Variants in TRHDE observed in about 807,000 individuals in gnomAD.
The protein encoded by TRHDE is thyrotropin releasing hormone degrading enzyme, also known as thyrotropin-releasing hormone-degrading ectoenzyme.
A neutral mutation model predicts 125.7 loss-of-function variants in TRHDE; 72 were observed. The observed-to-expected ratio is 0.57, with a 90% CI of 0.47 to 0.70. TRHDE has a LOEUF of 0.70. TRHDE is among the 30% of genes least tolerant of loss of function. The pLI is 0.00. For synonymous variants in TRHDE, 509 were observed against 509.1 expected, an observed-to-expected ratio of 1.00 and a Z score of 0.00; for missense variants, 1,110 against 1,327.1, an observed-to-expected ratio of 0.84 and a Z score of 2.54.
chr12:72,403,893 T>C lies in TRHDE; in HGVS notation c.1315+25772T>C, dbSNP rs527306115. The stretch of plus-strand genomic sequence containing the variant: ...GGAGGGGGTAGGTCATAGTTGAAGA[T>C]GGTTTTCAGCAGGCATTTCTGATTT... On this transcript the variant is annotated intron_variant, in intron 3 of 18. Coordinates refer to ENST00000261180, the MANE Select transcript of TRHDE (RefSeq NM_013381.3). Among the ~76,000 whole-genome samples the C allele has an allele frequency of 2.6e-5, 4 of 152,204 alleles. No individual in the cohort carries two copies. In the South Asian group the frequency reaches 8.3e-4, roughly 32 times the overall value.
chr12:72,249,885 C>T (rs766665396), intron 2 of TRHDE, among the ~76,000 whole-genome samples: 6 of 152,046 alleles, frequency 3.9e-5, no homozygotes, highest in Non-Finnish European at 5.9e-5. Context: ...CCAAAACTTG[C>T]GGTGACTCAA....
At chr12:72,469,663 C>T in intron 3 of TRHDE, 95 bp from the exon 4 acceptor site, 1 of 1,341,696 alleles carries the variant, frequency 7.5e-7, no homozygotes, top group Non-Finnish European at 1.0e-6. Context: ...ATCAAGTATT[C>T]CTTATAATTA....
At chr12:72,361,061 T>C (rs574355632) in intron 2 of TRHDE, among the ~76,000 whole-genome samples, 8 of 151,884 alleles carry the variant, frequency 5.3e-5, no homozygotes, top group Non-Finnish European at 5.9e-5. Context: ...CTCCCACTTA[T>C]AAGTGAGAAC....
intron 9 of TRHDE, among the ~76,000 whole-genome samples, chr12:72,565,279 G>T (rs1236786890): frequency 6.6e-6 from 1 of 152,058 alleles, no homozygotes; most frequent in Non-Finnish European, 1.5e-5. Context: ...TTCTGAGCCA[G>T]GAAAATCAAT....
intron 2 of TRHDE, among the ~76,000 whole-genome samples, chr12:72,191,220 C>A (rs775804210): frequency 1.3e-5 from 2 of 152,126 alleles, no homozygotes; most frequent in African/African-American, 4.8e-5. Flanking sequence ...TAGTGGAGAT[C>A]GTGGCAGAAG....
chr12:72,396,366 A>C (rs1318796430), intron 3 of TRHDE, among the ~76,000 whole-genome samples: 1 of 152,038 alleles, frequency 6.6e-6, no homozygotes, highest in Non-Finnish European at 1.5e-5. Flanking sequence ...CTGGGCTCTA[A>C]GTTTGCTGTG....
At chr12:72,495,060 G>GTTTTTTTTTTT (rs751243542) in intron 5 of TRHDE, among the ~76,000 whole-genome samples, 5 of 58,392 alleles carry the variant, frequency 8.6e-5, no homozygotes, top group Admixed American at 2.6e-4. Context: ...TTCCTCCCCC[G>GTTTTTTTTTTT]TTTTTTTTTT....
rs563293465 is a variant in TRHDE at position 72,142,662 on chromosome 12, C to T, written n.279+36910C>T. ...CCTTTTGGCCCACCATGGCCCCTAC[C>T]CTGCACCCATATAAACCCCCAAACC... On this transcript the variant is annotated intron_variant and non_coding_transcript_variant, in intron 2 of 4. Transcript: ENST00000548156. 7.2e-5 allele frequency among the ~76,000 whole-genome samples: 11 copies of T among 152,232 alleles called. No homozygotes were observed. The South Asian group carries it at 2.3e-3, about 32-fold the overall frequency.
intron 6 of TRHDE, among the ~76,000 whole-genome samples, chr12:72,500,391 A>G (rs1029857464): frequency 2.6e-4 from 40 of 151,986 alleles, no homozygotes; most frequent in African/African-American, 9.6e-4. Context: ...TGGAATTTCT[A>G]TGTACTTTTT....
intron 3 of TRHDE, among the ~76,000 whole-genome samples, chr12:72,434,681 C>T (rs767023413): frequency 6.6e-6 from 1 of 152,068 alleles, no homozygotes; most frequent in Non-Finnish European, 1.5e-5. Flanking sequence ...TAATAAGGTC[C>T]CATGCTCTAA....
chr12:72,231,925 C>G (rs1878254503), intron 2 of TRHDE, among the ~76,000 whole-genome samples: 1 of 152,106 alleles, frequency 6.6e-6, no homozygotes, highest in African/African-American at 2.4e-5. Context: ...ACAGCAGACC[C>G]AAGACCTAGT....
intron 5 of TRHDE, among the ~76,000 whole-genome samples, chr12:72,496,440 C>G (rs183919054): frequency 7.8e-4 from 119 of 152,240 alleles, no homozygotes; most frequent in Admixed American, 1.5e-3. Flanking sequence ...GGCAAGTGAG[C>G]CTGTGCAGGG....
chr12:72,159,271 CAAT>C (rs1451115312), intron 2 of TRHDE, among the ~76,000 whole-genome samples: 3 of 152,056 alleles, frequency 2.0e-5, no homozygotes, highest in Non-Finnish European at 4.4e-5. Context: ...ACAAAAACAA[CAAT>C]AATTGTCAAG....
chr12:72,100,982 T>G (rs1272934470), intron 1 of TRHDE, among the ~76,000 whole-genome samples: 1 of 152,226 alleles, frequency 6.6e-6, no homozygotes, highest in African/African-American at 2.4e-5. Context: ...CTGCATGCGA[T>G]GTACCCAAAT....
At chr12:72,626,963 C>G (rs1396943098) in intron 15 of TRHDE, among the ~76,000 whole-genome samples, 1 of 151,872 alleles carries the variant, frequency 6.6e-6, no homozygotes, top group Non-Finnish European at 1.5e-5. Flanking sequence ...TATTATAAAA[C>G]TGTTCCACTC....
intron 6 of TRHDE, among the ~76,000 whole-genome samples, chr12:72,518,879 G>GTATTTTATT (rs1879025236): frequency 6.6e-6 from 1 of 152,014 alleles, no homozygotes; most frequent in Non-Finnish European, 1.5e-5. Context: ...TGTCTGTAAA[G>GTATTTTATT]TATTTTATTT....
intron 7 of TRHDE, among the ~76,000 whole-genome samples, chr12:72,552,739 CAG>C: frequency 6.6e-6 from 1 of 152,148 alleles, no homozygotes; most frequent in Middle Eastern, 3.4e-3. Context: ...GAAATGGAAA[CAG>C]AGTATGTAGA....
intron 3 of TRHDE, among the ~76,000 whole-genome samples, chr12:72,418,394 C>G (rs544190117): frequency 6.6e-6 from 1 of 152,180 alleles, no homozygotes; most frequent in Admixed American, 6.5e-5. Context: ...CATTTGCTTA[C>G]AAGAGAAGTG....
At chr12:72,263,833 T>C (rs1477982707) in intron 2 of TRHDE, 1 of 152,094 alleles carries the variant, frequency 6.6e-6, no homozygotes, top group Non-Finnish European at 1.5e-5. Flanking sequence ...AGCTAATGGA[T>C]AGCTTATGAC....
Sources: allele counts gnomAD v4.1 joint callset (sites outside exome capture counted in the v4.1 genomes callset), GRCh38; gene constraint gnomAD v4.1.1; transcripts MANE v1.5; gene names NCBI Gene and HGNC (gene_info 2026-07-23, HGNC 2026-07-21).